Variants in PTPRD observed in about 807,000 individuals in gnomAD.
PTPRD encodes the protein receptor-type tyrosine-protein phosphatase delta.
In PTPRD, 34 loss-of-function variants were observed where a neutral mutation model predicts 214.5. The ratio of observed to expected loss-of-function variants is 0.16; its 90% CI spans 0.12 to 0.21. The LOEUF (loss-of-function observed/expected upper bound fraction) is 0.21, where lower values mean the gene tolerates loss of function less well. Among genes scored for constraint, PTPRD ranks in the 10% least tolerant of loss-of-function variants. The probability of loss-of-function intolerance (pLI) is 1.00; values close to 1 mark genes in which losing one functional copy is unlikely to be tolerated. For missense variants in PTPRD, 2,545 were observed against 2,398.7 expected (o/e 1.06, Z -1.27); for synonymous variants, 1,128 against 845.7 (o/e 1.33, Z -5.79).
chr9:8,927,232 T>G (rs1167205235), intron 11 of PTPRD, among the ~76,000 whole-genome samples: 1 of 152,176 alleles, frequency 6.6e-6, no homozygotes, highest in Non-Finnish European at 1.5e-5. Context: ...ATTTATTTAT[T>G]TTTATTATAC....
chr9:9,487,005 A>G (rs2095665865), intron 8 of PTPRD, among the ~76,000 whole-genome samples: 1 of 152,196 alleles, frequency 6.6e-6, no homozygotes, highest in African/African-American at 2.4e-5. Context: ...ATTATTTTAA[A>G]TAAATTATAG....
chr9:9,240,103 TAA>T (rs1240775166), intron 9 of PTPRD, among the ~76,000 whole-genome samples: 4 of 152,146 alleles, frequency 2.6e-5, no homozygotes, highest in Non-Finnish European at 5.9e-5. Context: ...GTAAATTCAA[TAA>T]GATATAAGTG....
chr9:10,547,270 G>A (rs1419332668), intron 2 of PTPRD, among the ~76,000 whole-genome samples: 1 of 151,560 alleles, frequency 6.6e-6, no homozygotes. Flanking sequence ...AGGTTTTATT[G>A]ATTTATAGAA....
intron 7 of PTPRD, among the ~76,000 whole-genome samples, chr9:9,647,909 C>T (rs1259684913): frequency 6.6e-6 from 1 of 152,120 alleles, no homozygotes; most frequent in Non-Finnish European, 1.5e-5. Context: ...CTTAAGTCCC[C>T]AGATCTCATA....
chr9:8,949,075 T>C (rs530454825), intron 11 of PTPRD, among the ~76,000 whole-genome samples: 3 of 151,684 alleles, frequency 2.0e-5, no homozygotes, highest in East Asian at 1.9e-4. Flanking sequence ...AATACAAAAA[T>C]TAGCTGGGTG....
intron 12 of PTPRD, among the ~76,000 whole-genome samples, chr9:8,721,753 T>C (rs1318906324): frequency 6.6e-6 from 1 of 152,200 alleles, no homozygotes; most frequent in African/African-American, 2.4e-5. Context: ...CTTCTGGTTT[T>C]ACAGATATTA....
At chr9:10,328,258 A>T (rs2096681468) in intron 3 of PTPRD, among the ~76,000 whole-genome samples, 2 of 151,698 alleles carry the variant, frequency 1.3e-5, no homozygotes, top group Non-Finnish European at 2.9e-5. Context: ...TTATTTTCTT[A>T]GTAGCTCAGA....
At chr9:9,806,049 T>A (rs2153524378) in intron 5 of PTPRD, among the ~76,000 whole-genome samples, 1 of 152,244 alleles carries the variant, frequency 6.6e-6, no homozygotes, top group South Asian at 2.1e-4. Context: ...ATATAAAGGA[T>A]TACTAAAGAA....
chr9:9,951,693 T>C (rs912161549), intron 4 of PTPRD, among the ~76,000 whole-genome samples: 19 of 152,218 alleles, frequency 1.2e-4, no homozygotes, highest in African/African-American at 4.3e-4. Flanking sequence ...TTCAGGCAAA[T>C]AACCAGGGTG....
chr9:10,514,423 T>C (rs2049309758), intron 2 of PTPRD, among the ~76,000 whole-genome samples: 1 of 151,506 alleles, frequency 6.6e-6, no homozygotes, highest in African/African-American at 2.4e-5. Flanking sequence ...ATATAGTATA[T>C]ATACACCATA....
At chr9:8,667,404 A>G (rs2097192347) in intron 12 of PTPRD, among the ~76,000 whole-genome samples, 1 of 152,098 alleles carries the variant, frequency 6.6e-6, no homozygotes, top group African/African-American at 2.4e-5. Context: ...CTTAAATCCA[A>G]CCAGTTCAAC....
intron 7 of PTPRD, among the ~76,000 whole-genome samples, chr9:9,724,180 T>C (rs905236600): frequency 6.6e-6 from 1 of 152,308 alleles, no homozygotes; most frequent in Non-Finnish European, 1.5e-5. Flanking sequence ...AAAATGTGAA[T>C]TGTACATTTT....
chr9:9,133,519 T>C (rs1321950566), intron 10 of PTPRD, among the ~76,000 whole-genome samples: 1 of 152,156 alleles, frequency 6.6e-6, no homozygotes, highest in Middle Eastern at 3.2e-3. Flanking sequence ...TCTAGAAATA[T>C]TTCATAAACA....
Position 8,479,884 on chromosome 9 carries a change from G to T in PTPRD, c.3413+4235C>A, listed in dbSNP as rs2096844385. 2.6e-5 allele frequency among the ~76,000 whole-genome samples: 4 copies of T among 151,802 alleles called. No homozygotes were observed. The South Asian group carries it at 6.2e-4, about 24-fold the overall frequency. Reference sequence around the variant, plus strand: ...TCATTTCCCTGTTCCTTCATTATTTGTAACTTTTTCACCTTTCTTAAATCT... The same window carrying T: ...TCATTTCCCTGTTCCTTCATTATTTTTAACTTTTTCACCTTTCTTAAATCT... On this transcript the variant is annotated intron_variant, in intron 30 of 45. Coordinates refer to ENST00000381196, the MANE Select transcript of PTPRD (RefSeq NM_002839.4).
At chr9:9,831,909 G>C (rs2054978551) in intron 5 of PTPRD, among the ~76,000 whole-genome samples, 1 of 151,858 alleles carries the variant, frequency 6.6e-6, no homozygotes, top group South Asian at 2.1e-4. Context: ...AGATTTCTTG[G>C]CTGGTTGGCA....
chr9:9,019,305 A>AAAGAAAGG (rs879606037), intron 10 of PTPRD, among the ~76,000 whole-genome samples: 1,225 of 93,166 alleles, frequency 0.013, 6 homozygotes, highest in South Asian at 0.04. Flanking sequence ...AGAAAGAAAG[A>AAAGAAAGG]AAGAAAGAAA....
intron 11 of PTPRD, among the ~76,000 whole-genome samples, chr9:8,823,619 C>G (rs915972747): frequency 6.6e-6 from 1 of 151,550 alleles, no homozygotes; most frequent in African/African-American, 2.4e-5. Context: ...CCACTGCACT[C>G]CAGCCTGGGG....
At chr9:9,546,580 TACTACC>T (rs1460197384) in intron 8 of PTPRD, among the ~76,000 whole-genome samples, 1 of 151,864 alleles carries the variant, frequency 6.6e-6, no homozygotes, top group Non-Finnish European at 1.5e-5. Context: ...CGACAATTAC[TACTACC>T]TTTATGCTAT....
chr9:9,534,983 A>T (rs1181640345), intron 8 of PTPRD, among the ~76,000 whole-genome samples: 1 of 152,086 alleles, frequency 6.6e-6, no homozygotes, highest in Non-Finnish European at 1.5e-5. Context: ...TCCCACCGTT[A>T]TGAATTTTAC....
Sources: gnomAD v4.1 joint callset for allele counts (sites outside exome capture counted in the v4.1 genomes callset) on GRCh38, gnomAD v4.1.1 for gene constraint, MANE v1.5 for transcripts, NCBI Gene and HGNC (gene_info 2026-07-23, HGNC 2026-07-21) for gene names.